Variants in CAMK1D observed in about 807,000 individuals in gnomAD.
CAMK1D encodes calcium/calmodulin dependent protein kinase ID.
Under a neutral mutation model 47.7 loss-of-function variants are expected in CAMK1D, and 9 were observed. The observed-to-expected ratio is 0.19, with a 90% confidence interval of 0.11 to 0.33. CAMK1D has a LOEUF of 0.33. Ranked by LOEUF, CAMK1D falls within the 10% of genes least tolerant of loss-of-function variation. The pLI is 1.00. For synonymous variants in CAMK1D, 184 were observed against 184.9 expected, an observed-to-expected ratio of 0.99 and a Z score of 0.04; for missense variants, 291 against 488.7, an observed-to-expected ratio of 0.60 and a Z score of 3.81.
intron 1 of CAMK1D, among the ~76,000 whole-genome samples, chr10:12,351,645 A>C (rs953030341): frequency 2.0e-5 from 3 of 152,170 alleles, no homozygotes; most frequent in Admixed American, 2.0e-4. Context: ...GCACCTCTGC[A>C]GTGGCGGGGC....
chr10:12,543,823 G>C (rs1441963448), intron 1 of CAMK1D, among the ~76,000 whole-genome samples: 1 of 152,146 alleles, frequency 6.6e-6, no homozygotes, highest in Non-Finnish European at 1.5e-5. Flanking sequence ...GACTGAGAGA[G>C]GACTGGGTAT....
intron 1 of CAMK1D, among the ~76,000 whole-genome samples, chr10:12,427,779 C>T (rs996172192): frequency 8.1e-6 from 1 of 124,016 alleles, no homozygotes; most frequent in Non-Finnish European, 1.6e-5. Context: ...ATGACCTTGG[C>T]TCACCGCAAC....
intron 1 of CAMK1D, among the ~76,000 whole-genome samples, chr10:12,548,938 C>T (rs1836491472): frequency 6.6e-6 from 1 of 151,034 alleles, no homozygotes; most frequent in African/African-American, 2.4e-5. Context: ...TCACTGCAAC[C>T]TCCGCCTCCT....
At chr10:12,713,934 C>G (rs1834024816) in intron 3 of CAMK1D, among the ~76,000 whole-genome samples, 1 of 152,212 alleles carries the variant, frequency 6.6e-6, no homozygotes, top group Non-Finnish European at 1.5e-5. Context: ...GGCAAAAATA[C>G]TTAGAAAGGC....
At position 12,801,354 on chromosome 10, in the gene CAMK1D, T is replaced by TATCTATC. The variant is rs57429397; in HGVS notation, c.641+10121_641+10122insATCTATC. ...CTATCTATCTATCTATCTATCTATC[T>TATCTATC]TATCTATCTATCTATCTATCTATCT... On this transcript the variant is annotated intron_variant, in intron 6 of 10. Transcript: ENST00000619168. 7.6e-3 allele frequency among the ~76,000 whole-genome samples: 506 copies of TATCTATC among 66,468 alleles called. 4 individuals carry two copies. The highest frequency in any genetic ancestry group is 0.035 in the East Asian group (71 of 2,008). The allele number at this position is 66,468 out of a possible 152,430, so 43.6% of individuals were successfully genotyped here. A position where few individuals can be genotyped will look rare whatever the true frequency, so the allele number is the denominator to read the frequency against.
intron 1 of CAMK1D, among the ~76,000 whole-genome samples, chr10:12,462,434 G>T (rs557228804): frequency 6.6e-6 from 1 of 151,458 alleles, no homozygotes; most frequent in Admixed American, 6.6e-5. Flanking sequence ...AAAGTGCTGG[G>T]ATTATAGGCA....
intron 3 of CAMK1D, among the ~76,000 whole-genome samples, chr10:12,722,166 G>A (rs1281048274): frequency 2.0e-5 from 3 of 152,076 alleles, no homozygotes; most frequent in African/African-American, 4.8e-5. Flanking sequence ...ACTCCAGGCT[G>A]GGCGCGGTGG....
intron 1 of CAMK1D, among the ~76,000 whole-genome samples, chr10:12,522,817 G>A (rs1268816410): frequency 1.0e-4 from 10 of 99,072 alleles, no homozygotes; most frequent in African/African-American, 2.6e-4. Flanking sequence ...GCGGCTGGCC[G>A]GGCGGAGGCG....
At chr10:12,561,021 C>G (rs1270876134) in intron 2 of CAMK1D, among the ~76,000 whole-genome samples, 1 of 151,980 alleles carries the variant, frequency 6.6e-6, no homozygotes, top group African/African-American at 2.4e-5. Flanking sequence ...TCACGCCATT[C>G]TCCTGCCTCA....
chr10:12,458,382 C>A (rs1010972172), intron 1 of CAMK1D, among the ~76,000 whole-genome samples: 2 of 152,078 alleles, frequency 1.3e-5, no homozygotes, highest in Non-Finnish European at 2.9e-5. Flanking sequence ...GATACATATT[C>A]CTATGTGTTC....
At chr10:12,370,711 C>T (rs541357814) in intron 1 of CAMK1D, among the ~76,000 whole-genome samples, 4 of 152,264 alleles carry the variant, frequency 2.6e-5, no homozygotes, top group African/African-American at 4.8e-5. Context: ...CAGGTTCAAG[C>T]GATTCTCCTG....
intron 2 of CAMK1D, among the ~76,000 whole-genome samples, chr10:12,555,336 A>G (rs987041596): frequency 2.6e-5 from 4 of 152,198 alleles, no homozygotes; most frequent in Non-Finnish European, 5.9e-5. Context: ...TGTAACTCAC[A>G]GAAGAAGCTA....
chr10:12,423,093 C>T lies in CAMK1D; in HGVS notation c.92+73183C>T, dbSNP rs1234714543. 3.3e-5 allele frequency among the ~76,000 whole-genome samples: 5 copies of T among 152,104 alleles called. 1 individual carries two copies. The highest frequency in any genetic ancestry group is 6.3e-3 in the Middle Eastern group (2 of 316). ...GAAAGCACGCGATGTTTTTATGATG[C>T]AGAATAAAGGAGGGAAGAAGGGATG... On this transcript the variant is annotated intron_variant, in intron 1 of 10. Transcript: ENST00000619168.
At position 12,519,345 on chromosome 10, in the gene CAMK1D, C is replaced by T. The variant is rs1210342132; in HGVS notation, c.93-33880C>T. Among the ~76,000 whole-genome samples, 17 of 39,092 alleles carry T rather than the reference C, an allele frequency of 4.3e-4. 2 individuals are homozygous for T. Among genetic ancestry groups the T allele is most frequent in the African/African-American group, 1.6e-3 (15 of 9,452 alleles). 25.6% of individuals were successfully genotyped at this position (39,092 alleles called of 152,430 possible). Reference sequence around the variant, plus strand: ...GCAGAGGCGCCCCTCACCTCCCGGACGGGGGGCTGACCCCCCCACCTCCCT... The same window carrying T: ...GCAGAGGCGCCCCTCACCTCCCGGATGGGGGGCTGACCCCCCCACCTCCCT... On this transcript the variant is annotated intron_variant, in intron 1 of 10. Coordinates refer to ENST00000619168, the MANE Select transcript of CAMK1D (RefSeq NM_153498.4).
At chr10:12,675,122 A>G (rs949851929) in intron 3 of CAMK1D, among the ~76,000 whole-genome samples, 37 of 152,182 alleles carry the variant, frequency 2.4e-4, no homozygotes, top group African/African-American at 8.9e-4. Context: ...AAGTGTAACA[A>G]CTTAGGAAGT....
At chr10:12,669,260 C>A (rs1248057599) in intron 3 of CAMK1D, among the ~76,000 whole-genome samples, 1 of 140,916 alleles carries the variant, frequency 7.1e-6, no homozygotes, top group Non-Finnish European at 1.6e-5. Context: ...CCACAAAAAA[C>A]CACGTCGTTA....
chr10:12,361,087 C>T (rs778756567), intron 1 of CAMK1D, among the ~76,000 whole-genome samples: 10 of 152,112 alleles, frequency 6.6e-5, no homozygotes, highest in Non-Finnish European at 1.3e-4. Flanking sequence ...GTGGCAATAA[C>T]GTACAAGAAT....
intron 1 of CAMK1D, among the ~76,000 whole-genome samples, chr10:12,494,418 G>C (rs558644046): frequency 6.6e-6 from 1 of 151,804 alleles, no homozygotes; most frequent in South Asian, 2.1e-4. Context: ...ACACACACAC[G>C]TACACACACA....
intron 2 of CAMK1D, among the ~76,000 whole-genome samples, chr10:12,623,504 C>CTCCCTCCT: frequency 2.1e-5 from 3 of 143,110 alleles, no homozygotes; most frequent in African/African-American, 5.3e-5. Flanking sequence ...TCCTTTCTCC[C>CTCCCTCCT]TTCCTCCCTC....
Sources: gnomAD v4.1 joint callset for allele counts (sites outside exome capture counted in the v4.1 genomes callset) on GRCh38, gnomAD v4.1.1 for gene constraint, MANE v1.5 for transcripts, NCBI Gene and HGNC (gene_info 2026-07-23, HGNC 2026-07-21) for gene names.